RANBP2: variants seen among roughly 807,000 people sequenced by gnomAD.
The protein encoded by RANBP2 is E3 SUMO-protein ligase RanBP2.
In RANBP2, 57 loss-of-function variants were observed where a neutral mutation model predicts 303.6. The observed-to-expected ratio is 0.19, with a 90% CI of 0.15 to 0.23. The LOEUF (loss-of-function observed/expected upper bound fraction) is 0.23, where lower values mean the gene tolerates loss of function less well. Ranked by LOEUF, RANBP2 falls within the 10% of genes least tolerant of loss-of-function variation. The pLI, the probability that RANBP2 is intolerant of heterozygous loss-of-function variation, is 1.00. For synonymous variants in RANBP2, 1,167 were observed against 1,301.5 expected (o/e 0.90, Z 2.23); for missense variants, 3,138 against 3,780.8 (o/e 0.83, Z 4.46).
chr2:109,456,230 G>T, the RANBP2 span, among the ~76,000 whole-genome samples: 5 of 152,324 alleles, frequency 3.3e-5, no homozygotes, highest in East Asian at 9.7e-4. Flanking sequence ...GCGTTGGCTG[G>T]GCAGAAGGGG....
chr2:109,552,793 A>C, the RANBP2 span: 2 of 287,406 alleles, frequency 7.0e-6, no homozygotes, highest in Non-Finnish European at 6.4e-6. Context: ...ATTTCATGAA[A>C]GAAAAATGTG....
chr2:109,152,340 C>A, the RANBP2 span, among the ~76,000 whole-genome samples: 1 of 152,180 alleles, frequency 6.6e-6, no homozygotes, highest in South Asian at 2.1e-4. Context: ...CCTGCCCTTT[C>A]CCTGGTGCAT....
chr2:108,987,407 T>C, the RANBP2 span, among the ~76,000 whole-genome samples: 725 of 152,324 alleles, frequency 4.8e-3, 3 homozygotes, highest in African/African-American at 0.017. Flanking sequence ...AATGTTGGGC[T>C]GCCGCCCAAT....
At chr2:108,823,044 A>G in the RANBP2 span, among the ~76,000 whole-genome samples, 11 of 152,344 alleles carry the variant, frequency 7.2e-5, no homozygotes, top group Non-Finnish European at 1.6e-4. Context: ...ATAGCATCAC[A>G]TAGAAGAAAT....
Position 108,752,605 on chromosome 2 carries a change from C to G in RANBP2, c.1756-393C>G, listed in dbSNP as rs577049985. On this transcript the variant is annotated intron_variant, in intron 12 of 28. Transcript: ENST00000283195. ...TGGCTAACACGGTGAAACCCCGTCT[C>G]TACTAAAAATACAAAAAAAAAAAAA... Among the ~76,000 whole-genome samples the G allele has an allele frequency of 5.2e-5, 6 of 116,404 alleles. No homozygotes were observed. In the South Asian group the frequency reaches 1.5e-3, roughly 29 times the overall value. 76.4% of individuals were successfully genotyped at this position (116,404 alleles called of 152,430 possible).
intron 23 of RANBP2, among the ~76,000 whole-genome samples, chr2:108,774,259 A>G (rs1483236968): frequency 6.6e-6 from 1 of 152,210 alleles, no homozygotes; most frequent in Non-Finnish European, 1.5e-5. Flanking sequence ...TATATTTATC[A>G]GGATACTAGT....
the RANBP2 span, among the ~76,000 whole-genome samples, chr2:109,053,457 T>C: frequency 7.9e-5 from 12 of 152,160 alleles, no homozygotes; most frequent in Non-Finnish European, 7.3e-5. Context: ...ATCCAGCTTA[T>C]CATGTTCCTC....
At chr2:109,000,816 T>C in the RANBP2 span, among the ~76,000 whole-genome samples, 1 of 152,100 alleles carries the variant, frequency 6.6e-6, no homozygotes, top group Non-Finnish European at 1.5e-5. Flanking sequence ...CATCACCTCA[T>C]TGAGAAAACG....
chr2:109,072,611 G>A, the RANBP2 span, among the ~76,000 whole-genome samples: 1 of 152,180 alleles, frequency 6.6e-6, no homozygotes, highest in Admixed American at 6.5e-5. Flanking sequence ...TGGGACCCTA[G>A]GCTAGGGGTG....
chr2:108,898,291 A>C, the RANBP2 span, among the ~76,000 whole-genome samples: 138,746 of 151,722 alleles, frequency 0.91, 63,515 homozygotes, highest in East Asian at 1. Context: ...CAGCTGGTAA[A>C]AACTCCTCTG....
the RANBP2 span, among the ~76,000 whole-genome samples, chr2:109,380,583 G>A: frequency 1.3e-5 from 2 of 152,196 alleles, no homozygotes; most frequent in South Asian, 2.1e-4. Flanking sequence ...CCTTGTCCTC[G>A]CTGCCAGCCT....
chr2:109,582,079 C>G, the RANBP2 span, among the ~76,000 whole-genome samples: 2 of 21,438 alleles, frequency 9.3e-5, no homozygotes, highest in African/African-American at 2.0e-4. Flanking sequence ...ACAACAGACA[C>G]ACACACACAC....
chr2:109,406,801 A>G, the RANBP2 span, among the ~76,000 whole-genome samples: 1 of 152,158 alleles, frequency 6.6e-6, no homozygotes, highest in East Asian at 1.9e-4. Flanking sequence ...TGAAGCAACC[A>G]GTGCAGAGGC....
chr2:108,727,350 A>G (rs1694804718), intron 1 of RANBP2, among the ~76,000 whole-genome samples: 1 of 152,238 alleles, frequency 6.6e-6, no homozygotes, highest in Non-Finnish European at 1.5e-5. Flanking sequence ...AATTTGTGCT[A>G]GTTTTGTTGT....
chr2:109,129,807 C>A, the RANBP2 span: 1 of 1,538,250 alleles, frequency 6.5e-7, no homozygotes, highest in South Asian at 1.2e-5. Context: ...TGTGCTCGCG[C>A]CACGAGCTGC....
At chr2:109,595,535 G>A in the RANBP2 span, among the ~76,000 whole-genome samples, 3 of 152,130 alleles carry the variant, frequency 2.0e-5, no homozygotes, top group Non-Finnish European at 2.9e-5. Flanking sequence ...AACAAACAGT[G>A]GTGGTTACAG....
At chr2:109,332,601 T>G in the RANBP2 span, among the ~76,000 whole-genome samples, 2 of 152,190 alleles carry the variant, frequency 1.3e-5, no homozygotes, top group Non-Finnish European at 2.9e-5. Context: ...CTTAGCTCAC[T>G]GTGCTGTGCT....
At chr2:108,805,227 G>T in the RANBP2 span, among the ~76,000 whole-genome samples, 1 of 151,950 alleles carries the variant, frequency 6.6e-6, no homozygotes, top group Non-Finnish European at 1.5e-5. Context: ...ACAAACAAAA[G>T]AAAAAAACCT....
At chr2:109,182,201 T>A in the RANBP2 span, among the ~76,000 whole-genome samples, 1 of 150,970 alleles carries the variant, frequency 6.6e-6, no homozygotes, top group Non-Finnish European at 1.5e-5. Flanking sequence ...GACTCATGAT[T>A]TTGAAGGCTG....
Sources: allele counts gnomAD v4.1 joint callset (sites outside exome capture counted in the v4.1 genomes callset), GRCh38; gene constraint gnomAD v4.1.1; transcripts MANE v1.5; gene names NCBI Gene and HGNC (gene_info 2026-07-23, HGNC 2026-07-21).